The following POLD3 variants were observed in gnomAD, a reference collection of about 807,000 sequenced individuals.
The protein encoded by POLD3 is DNA polymerase delta subunit 3.
Under a neutral mutation model 58.2 loss-of-function variants are expected in POLD3, and 19 were observed. The ratio of observed to expected loss-of-function variants is 0.33; its 90% confidence interval spans 0.23 to 0.48. POLD3 has a LOEUF of 0.48. POLD3 is among the 20% of genes least tolerant of loss of function. The pLI is 0.99. For synonymous variants in POLD3, 172 were observed against 193.5 expected (o/e 0.89, Z 0.92); for missense variants, 504 against 545.5 (o/e 0.92, Z 0.76).
At position 74,629,279 on chromosome 11, in the gene POLD3, G is replaced by A. The variant is rs536496296; in HGVS notation, c.962G>A (p.Arg321Lys). 561 of 1,609,378 alleles carry A rather than the reference G, an allele frequency of 3.5e-4. 5 individuals carry two copies. The South Asian group carries it at 5.8e-3, about 17-fold the overall frequency. Residue 321 changes from arginine to lysine, a missense_variant, in exon 9 of 12, where the codon AGG becomes AAG. Physicochemically the swap from Arg to Lys is conservative, Grantham distance 26. Transcript: ENST00000263681. Reference sequence around the variant, plus strand: ...GAAACTGAAAACATGAGGAAAAAGAGGAGAAGAATCAAACTTCCTGAATCT... The same window carrying A: ...GAAACTGAAAACATGAGGAAAAAGAAGAGAAGAATCAAACTTCCTGAATCT... ...TKETENMRKK[R>K]RRIKLPESDS...
rs184698433 is a variant in POLD3, at chr11:74,659,747, C to G, written c.370-9030C>G. 6.0e-4 allele frequency among the ~76,000 whole-genome samples: 92 copies of G among 152,328 alleles called. 1 individual carries two copies. Among genetic ancestry groups the G allele is most frequent in the African/African-American group, 2.1e-3 (87 of 41,576 alleles). On this transcript the variant is annotated intron_variant, in intron 4 of 4. Coordinates refer to the POLD3 transcript ENST00000524752. ...CCAGTTCCCAACAAGTTCCTTATCTCCATCTGAGACTACCTCAGCCTGAAC... is the reference window on the plus strand; with the variant it reads ...CCAGTTCCCAACAAGTTCCTTATCTGCATCTGAGACTACCTCAGCCTGAAC...
intron 4 of POLD3, among the ~76,000 whole-genome samples, chr11:74,665,384 T>A (rs1274915531): frequency 2.5e-5 from 3 of 120,988 alleles, no homozygotes; most frequent in Non-Finnish European, 4.8e-5. Flanking sequence ...TCTAGCACCC[T>A]TTTATAATTT....
intron 4 of POLD3, among the ~76,000 whole-genome samples, chr11:74,652,244 G>A (rs568791033): frequency 7.9e-5 from 12 of 152,302 alleles, no homozygotes; most frequent in East Asian, 5.8e-4. Flanking sequence ...TCCCTCCAGA[G>A]CATTATGCTT....
At chr11:74,627,206 G>A (rs1409361850) in intron 8 of POLD3, among the ~76,000 whole-genome samples, 1 of 152,100 alleles carries the variant, frequency 6.6e-6, no homozygotes, top group South Asian at 2.1e-4. Flanking sequence ...GGAGGTGGAA[G>A]ACAATGATCA....
At chr11:74,643,107 T>C, downstream of POLD3, 1 of 187,050 alleles carries the variant, frequency 5.3e-6, no homozygotes, top group Non-Finnish European at 1.0e-5. Flanking sequence ...ATTCGGTCCA[T>C]GTTGGCGGTC....
At chr11:74,637,284 G>T (rs2032775143) in intron 11 of POLD3, among the ~76,000 whole-genome samples, 1 of 152,030 alleles carries the variant, frequency 6.6e-6, no homozygotes, top group South Asian at 2.1e-4. Context: ...CCACCTCCCA[G>T]TCCTCTGAAA....
intron 10 of POLD3, among the ~76,000 whole-genome samples, chr11:74,635,946 A>G (rs1453618045): frequency 6.6e-6 from 1 of 152,190 alleles, no homozygotes; most frequent in Non-Finnish European, 1.5e-5. Context: ...GACTGAATGA[A>G]CAGAACACAG....
intron 4 of POLD3, 149 bp from the exon 5 acceptor site, chr11:74,612,729 G>A (rs1239405885): frequency 1.7e-6 from 1 of 587,306 alleles, no homozygotes; most frequent in African/African-American, 1.9e-5. Flanking sequence ...AAGAGTTGAT[G>A]TTTCACTGTA....
intron 1 of POLD3, chr11:74,593,080 G>A (rs562555896): frequency 1.9e-6 from 2 of 1,053,994 alleles, no homozygotes; most frequent in East Asian, 6.7e-5. Flanking sequence ...TGAGGAAATC[G>A]TGTCTTAACT....
chr11:74,620,184 C>T, intron 7 of POLD3, 95 bp downstream of exon 7: 3 of 935,396 alleles, frequency 3.2e-6, no homozygotes, highest in Non-Finnish European at 5.2e-6. Flanking sequence ...TAGTTTTTGC[C>T]AATCCAAGAG....
At chr11:74,601,925 A>T (rs79687182) in intron 2 of POLD3, among the ~76,000 whole-genome samples, 255 of 152,332 alleles carry the variant, frequency 1.7e-3, no homozygotes, top group African/African-American at 5.9e-3. Flanking sequence ...AAGGAAGGGC[A>T]TATACAAAGG....
chr11:74,620,632 T>C (rs913300555), intron 7 of POLD3, among the ~76,000 whole-genome samples: 16 of 152,190 alleles, frequency 1.1e-4, no homozygotes, highest in African/African-American at 3.9e-4. Flanking sequence ...AAAGCAAAAA[T>C]CTTCTTTATT....
chr11:74,662,825 GT>G (rs1235349674), intron 4 of POLD3, among the ~76,000 whole-genome samples: 1 of 152,190 alleles, frequency 6.6e-6, no homozygotes, highest in Non-Finnish European at 1.5e-5. Flanking sequence ...TTAGCCCACA[GT>G]GCTGAGGCTT....
At chr11:74,647,450 T>A (rs4944054), downstream of POLD3, among the ~76,000 whole-genome samples, 124,515 of 152,134 alleles carry the variant, frequency 0.82, 51,135 homozygotes, top group Middle Eastern at 0.94. Flanking sequence ...GCCCAGGGAG[T>A]TGAGCTAGTA....
intron 2 of POLD3, among the ~76,000 whole-genome samples, chr11:74,603,345 G>C (rs932653988): frequency 2.0e-5 from 3 of 152,218 alleles, no homozygotes; most frequent in African/African-American, 4.8e-5. Context: ...AAGGAGAGCT[G>C]ATGAGACTTG....
At chr11:74,656,942 G>A (rs1200893657) in intron 4 of POLD3, among the ~76,000 whole-genome samples, 3 of 9,790 alleles carry the variant, frequency 3.1e-4, no homozygotes, top group African/African-American at 1.3e-3. Context: ...TTCTGTGTAG[G>A]AAATCTGGCC....
intron 9 of POLD3, among the ~76,000 whole-genome samples, chr11:74,632,115 C>T (rs2032612343): frequency 6.6e-6 from 1 of 152,128 alleles, no homozygotes; most frequent in Admixed American, 6.5e-5. Context: ...ATTTTCAGTC[C>T]TTGCAAGTTG....
chr11:74,618,532 C>A lies in POLD3; in HGVS notation c.393-5C>A. 6.3e-7 allele frequency: 1 copy of A among 1,590,536 alleles called. No individual in the cohort carries two copies. The highest frequency in any genetic ancestry group is 2.3e-5 in the East Asian group (1 of 44,242). ...ATTAACTTAATGTAACATTTCTGTC[C>A]CCAGATTTAGTGCTATACAATGTGC... On this transcript the variant is annotated splice_region_variant and splice_polypyrimidine_tract_variant and intron_variant, in intron 5 of 11. Coordinates refer to ENST00000263681, the MANE Select transcript of POLD3 (RefSeq NM_006591.3).
intron 4 of POLD3, chr11:74,652,845 C>T (rs7935426): frequency 0.1 from 17,652 of 170,326 alleles, 1,193 homozygotes; most frequent in African/African-American, 0.18. Flanking sequence ...GTCATGGACC[C>T]AGCTTTGGCA....
Sources: allele counts gnomAD v4.1 joint callset (sites outside exome capture counted in the v4.1 genomes callset), GRCh38; gene constraint gnomAD v4.1.1; transcripts MANE v1.5; gene names NCBI Gene and HGNC (gene_info 2026-07-23, HGNC 2026-07-21).